The following PLXNA4 variants were observed in gnomAD, a reference collection of about 807,000 sequenced individuals.
PLXNA4 encodes plexin-A4.
A neutral mutation model predicts 191.8 loss-of-function variants in PLXNA4; 44 were observed. The ratio of observed to expected loss-of-function variants is 0.23; its 90% CI spans 0.18 to 0.29. The LOEUF is 0.29. Among genes scored for constraint, PLXNA4 ranks in the 10% least tolerant of loss-of-function variants. The pLI is 1.00. For synonymous variants in PLXNA4, 1,082 were observed against 1,009.5 expected (o/e 1.07, Z -1.36); for missense variants, 1,800 against 2,488.8 (o/e 0.72, Z 5.89).
At chr7:132,636,476 G>GC (rs896066751) in intron 2 of PLXNA4, among the ~76,000 whole-genome samples, 10 of 152,090 alleles carry the variant, frequency 6.6e-5, no homozygotes, top group South Asian at 4.1e-4. Flanking sequence ...TCAAGGAAGA[G>GC]CCCCCCCAGG....
intron 3 of PLXNA4, among the ~76,000 whole-genome samples, chr7:132,360,655 C>A (rs922551266): frequency 6.6e-6 from 1 of 152,272 alleles, no homozygotes; most frequent in South Asian, 2.1e-4. Context: ...GAAGAAGAGG[C>A]CCCAAACCCC....
intron 3 of PLXNA4, among the ~76,000 whole-genome samples, chr7:132,399,296 G>C (rs1235444714): frequency 6.6e-6 from 1 of 152,186 alleles, no homozygotes; most frequent in East Asian, 1.9e-4. Context: ...CAAAGACACA[G>C]GCCTTAGAGG....
At chr7:132,220,975 GCTTA>G (rs770211497) in intron 9 of PLXNA4, among the ~76,000 whole-genome samples, 203 of 151,568 alleles carry the variant, frequency 1.3e-3, no homozygotes, top group East Asian at 4.3e-3. Flanking sequence ...GCCATGCCCA[GCTTA>G]CTTACTTACT....
intron 3 of PLXNA4, among the ~76,000 whole-genome samples, chr7:132,363,499 T>C (rs1804029727): frequency 6.6e-6 from 1 of 152,242 alleles, no homozygotes; most frequent in African/African-American, 2.4e-5. Context: ...GGTTCATCCA[T>C]GTTGTAGCAC....
chr7:132,149,254 CGTT>C (rs1795524837), intron 25 of PLXNA4, among the ~76,000 whole-genome samples: 1 of 152,156 alleles, frequency 6.6e-6, no homozygotes, highest in African/African-American at 2.4e-5. Flanking sequence ...ATGATATCAA[CGTT>C]GTAATCTATC....
intron 3 of PLXNA4, among the ~76,000 whole-genome samples, chr7:132,316,953 C>T (rs1801966549): frequency 2.0e-5 from 3 of 151,326 alleles, no homozygotes; most frequent in African/African-American, 7.3e-5. Flanking sequence ...TATTGTGCTG[C>T]ATTGGGTTAG....
chr7:132,252,008 A>G (rs937474145), intron 4 of PLXNA4, among the ~76,000 whole-genome samples: 1 of 152,236 alleles, frequency 6.6e-6, no homozygotes, highest in African/African-American at 2.4e-5. Flanking sequence ...CTGCTGGCTT[A>G]GAAAGGAGGC....
At chr7:132,319,887 A>C (rs1342596185) in intron 3 of PLXNA4, among the ~76,000 whole-genome samples, 1 of 152,206 alleles carries the variant, frequency 6.6e-6, no homozygotes, top group East Asian at 1.9e-4. Context: ...CTTCCCAGTC[A>C]AAGGGCTCTG....
chr7:132,348,964 G>A (rs1343233913), intron 3 of PLXNA4, among the ~76,000 whole-genome samples: 2 of 152,112 alleles, frequency 1.3e-5, no homozygotes, highest in Non-Finnish European at 2.9e-5. Context: ...CCTAATGGGG[G>A]CAGCGTCCCA....
chr7:132,587,613 G>A (rs1367153838), intron 2 of PLXNA4, among the ~76,000 whole-genome samples: 2 of 152,094 alleles, frequency 1.3e-5, no homozygotes, highest in Admixed American at 1.3e-4. Flanking sequence ...TTTATTAGGT[G>A]GAACCGGAAT....
At chr7:132,213,006 G>T (rs1191893773) in intron 9 of PLXNA4, among the ~76,000 whole-genome samples, 4 of 152,212 alleles carry the variant, frequency 2.6e-5, no homozygotes, top group African/African-American at 9.6e-5. Flanking sequence ...AGCAACCCAG[G>T]TGTTCACTGA....
intron 1 of PLXNA4, among the ~76,000 whole-genome samples, chr7:132,557,548 T>TA (rs1554468490): frequency 0.016 from 1,847 of 111,942 alleles, 33 homozygotes; most frequent in African/African-American, 0.058. Flanking sequence ...TATCTTTTTT[T>TA]TAAAAAAAAA....
chr7:132,603,138 C>G (rs1335476058), intron 2 of PLXNA4, among the ~76,000 whole-genome samples: 1 of 152,162 alleles, frequency 6.6e-6, no homozygotes, highest in African/African-American at 2.4e-5. Flanking sequence ...CTTCTCATAG[C>G]CAGTTTGCTG....
chr7:132,458,637 T>A (rs1796391901), intron 3 of PLXNA4, among the ~76,000 whole-genome samples: 1 of 150,766 alleles, frequency 6.6e-6, no homozygotes, highest in Non-Finnish European at 1.5e-5. Flanking sequence ...CCATGAGAGG[T>A]CAGGATGGTG....
intron 3 of PLXNA4, among the ~76,000 whole-genome samples, chr7:132,487,086 C>T (rs1399967273): frequency 6.6e-6 from 1 of 152,156 alleles, no homozygotes; most frequent in Non-Finnish European, 1.5e-5. Context: ...TCAGGAAACA[C>T]CTTCCTTTTT....
intron 3 of PLXNA4, among the ~76,000 whole-genome samples, chr7:132,310,253 T>G (rs1801676284): frequency 6.6e-6 from 1 of 152,244 alleles, no homozygotes; most frequent in African/African-American, 2.4e-5. Flanking sequence ...GTTCAGCACC[T>G]GATACATGCA....
intron 1 of PLXNA4, among the ~76,000 whole-genome samples, chr7:132,515,583 T>G (rs756543086): frequency 2.6e-5 from 4 of 152,122 alleles, no homozygotes; most frequent in Non-Finnish European, 4.4e-5. Context: ...AGAGATAAAC[T>G]ATGGTTTTAC....
intron 25 of PLXNA4, among the ~76,000 whole-genome samples, chr7:132,157,172 T>C (rs999397676): frequency 3.3e-5 from 5 of 152,204 alleles, no homozygotes; most frequent in Non-Finnish European, 5.9e-5. Flanking sequence ...TGAACATTCA[T>C]GGTGAGCACT....
chr7:132,315,580 C>G (rs1424086715), intron 3 of PLXNA4, among the ~76,000 whole-genome samples: 1 of 152,192 alleles, frequency 6.6e-6, no homozygotes, highest in Non-Finnish European at 1.5e-5. Context: ...TGCTGGATCT[C>G]ATTTTCGATC....
Sources: gnomAD v4.1 joint callset for allele counts (sites outside exome capture counted in the v4.1 genomes callset) on GRCh38, gnomAD v4.1.1 for gene constraint, MANE v1.5 for transcripts, NCBI Gene and HGNC (gene_info 2026-07-23, HGNC 2026-07-21) for gene names.